LIMCH1: variants seen among roughly 807,000 people sequenced by gnomAD.
The protein encoded by LIMCH1 is LIM and calponin homology domains 1.
Under a neutral mutation model 176.5 loss-of-function variants are expected in LIMCH1, and 113 were observed. The ratio of observed to expected loss-of-function variants is 0.64; its 90% CI spans 0.55 to 0.75. The LOEUF (loss-of-function observed/expected upper bound fraction) is 0.75, where lower values mean the gene tolerates loss of function less well. LIMCH1 is among the 30% of genes least tolerant of loss of function. LIMCH1 has a pLI of 0.00. For synonymous variants in LIMCH1, 619 were observed against 645.9 expected (o/e 0.96, Z 0.63); for missense variants, 1,674 against 1,814.9 (o/e 0.92, Z 1.41).
chr4:41,367,682 TCCAAAAAAAAAAAAAAAAAAAAA>T (rs1357285578), intron 1 of LIMCH1, among the ~76,000 whole-genome samples: 10 of 60,908 alleles, frequency 1.6e-4, no homozygotes, highest in Non-Finnish European at 3.0e-4. Flanking sequence ...CTACTAAAAA[TCCAAAAAAAAAAAAAAAAAAAAA>T]AGGAAAGAAA....
At position 41,516,928 on chromosome 4, in the gene LIMCH1, G is replaced by T. The variant is rs183740916; in HGVS notation, c.168-7481G>T. The stretch of plus-strand genomic sequence containing the variant: ...GATTTTCTTGGGTACAGTTTGCCTG[G>T]GTATTGGAGAAAGGCCTCCTGCAGA... On this transcript the variant is annotated intron_variant, in intron 2 of 26. Coordinates refer to the LIMCH1 transcript ENST00000313860. Among the ~76,000 whole-genome samples, 275 of 152,220 alleles carry T rather than the reference G, an allele frequency of 1.8e-3. 2 individuals carry two copies. The highest frequency in any genetic ancestry group is 6.3e-3 in the African/African-American group (262 of 41,524).
chr4:41,492,726 C>A (rs2071316225), intron 1 of LIMCH1, among the ~76,000 whole-genome samples: 1 of 152,138 alleles, frequency 6.6e-6, no homozygotes, highest in Non-Finnish European at 1.5e-5. Context: ...ATCTCTGAAT[C>A]TATTTGTGGA....
chr4:41,694,823 T>C (rs942694908), intron 31 of LIMCH1, among the ~76,000 whole-genome samples: 2 of 152,128 alleles, frequency 1.3e-5, no homozygotes, highest in Admixed American at 6.6e-5. Flanking sequence ...TCTTGCTTAA[T>C]TATCATTCAG....
Position 41,671,537 on chromosome 4 carries a change from CT to C in LIMCH1, c.3398-9del. On this transcript the variant is annotated splice_polypyrimidine_tract_variant and intron_variant, in intron 21 of 31. Transcript: ENST00000503057. ...TCACATTCATATCTTTTTTTTCTTT[CT>C]TTTTTTTCTGTGCAGTGGATTCTCC... 1.9e-6 allele frequency: 3 copies of C among 1,594,170 alleles called. No individual in the cohort carries two copies. The highest frequency in any genetic ancestry group is 1.1e-5 in the South Asian group (1 of 90,012).
At chr4:41,598,166 A>G (rs1352822617) in intron 1 of LIMCH1, among the ~76,000 whole-genome samples, 1 of 152,212 alleles carries the variant, frequency 6.6e-6, no homozygotes, top group African/African-American at 2.4e-5. Context: ...CTGGAGTTCC[A>G]AAAGGATGAC....
chr4:41,405,516 T>TG (rs2058870975), intron 1 of LIMCH1, among the ~76,000 whole-genome samples: 1 of 152,138 alleles, frequency 6.6e-6, no homozygotes, highest in African/African-American at 2.4e-5. Context: ...TGTATTTCCA[T>TG]TGCATAGTCT....
chr4:41,656,333 C>A (rs2094463062), intron 18 of LIMCH1, among the ~76,000 whole-genome samples: 1 of 152,152 alleles, frequency 6.6e-6, no homozygotes, highest in Admixed American at 6.5e-5. Flanking sequence ...TGTCAATAAA[C>A]ATTTCTTGAG....
chr4:41,423,018 A>G (rs1281756906), intron 1 of LIMCH1, among the ~76,000 whole-genome samples: 2 of 152,114 alleles, frequency 1.3e-5, no homozygotes, highest in African/African-American at 4.8e-5. Flanking sequence ...TTGGCCTCCC[A>G]AAGTGCTGGA....
intron 1 of LIMCH1, among the ~76,000 whole-genome samples, chr4:41,436,248 A>G (rs2062068136): frequency 6.6e-6 from 1 of 152,146 alleles, no homozygotes; most frequent in East Asian, 1.9e-4. Context: ...GGACTCCACA[A>G]CTATTCACTG....
intron 1 of LIMCH1, among the ~76,000 whole-genome samples, chr4:41,376,005 A>G (rs901483848): frequency 5.9e-5 from 9 of 152,242 alleles, no homozygotes; most frequent in Non-Finnish European, 1.0e-4. Context: ...TGAAGTATGT[A>G]GAAAATATGT....
At chr4:41,633,258 G>T (rs1382990334) in intron 12 of LIMCH1, among the ~76,000 whole-genome samples, 173 bp downstream of exon 12, 1 of 152,134 alleles carries the variant, frequency 6.6e-6, no homozygotes, top group Non-Finnish European at 1.5e-5. Context: ...TGCTTCTGGT[G>T]CCCGCTCTGG....
intron 7 of LIMCH1, among the ~76,000 whole-genome samples, chr4:41,624,747 C>T (rs773797644): frequency 5.3e-5 from 8 of 151,930 alleles, no homozygotes; most frequent in Non-Finnish European, 1.2e-4. Flanking sequence ...CACATAAAAC[C>T]GGGTGAAAGA....
intron 1 of LIMCH1, among the ~76,000 whole-genome samples, chr4:41,484,905 CA>C (rs1401897961): frequency 6.6e-6 from 1 of 152,056 alleles, no homozygotes; most frequent in African/African-American, 2.4e-5. Flanking sequence ...AAAAAACAAC[CA>C]AAGATTAATG....
intron 1 of LIMCH1, among the ~76,000 whole-genome samples, chr4:41,452,917 T>C (rs2064072174): frequency 6.6e-6 from 1 of 152,230 alleles, no homozygotes; most frequent in Admixed American, 6.5e-5. Context: ...CTTCCTCATC[T>C]TTGCAGCACC....
chr4:41,514,232 G>GCT (rs2075320523), intron 2 of LIMCH1, among the ~76,000 whole-genome samples: 1 of 152,038 alleles, frequency 6.6e-6, no homozygotes, highest in African/African-American at 2.4e-5. Context: ...GAGTTACAGA[G>GCT]AGGACTAACC....
intron 1 of LIMCH1, among the ~76,000 whole-genome samples, chr4:41,578,241 G>T (rs977305177): frequency 6.6e-6 from 1 of 152,108 alleles, no homozygotes; most frequent in Non-Finnish European, 1.5e-5. Flanking sequence ...ATCTTACATG[G>T]CAGCAGGAGA....
chr4:41,687,940 T>C, intron 29 of LIMCH1, 23 bp downstream of exon 29: 1 of 1,588,882 alleles, frequency 6.3e-7, no homozygotes, highest in African/African-American at 1.3e-5. Context: ...AGCAGGCCTT[T>C]CTGAGGCTGC....
chr4:41,517,095 C>T (rs1583395116), intron 2 of LIMCH1, among the ~76,000 whole-genome samples: 2 of 152,118 alleles, frequency 1.3e-5, no homozygotes, highest in Admixed American at 6.5e-5. Context: ...CTGCTTTAGG[C>T]AGTTATTTAG....
chr4:41,398,250 G>T (rs2058026254), intron 1 of LIMCH1, among the ~76,000 whole-genome samples: 1 of 149,372 alleles, frequency 6.7e-6, no homozygotes, highest in Non-Finnish European at 1.5e-5. Flanking sequence ...GGGTACATGT[G>T]CACAATGTGC....
Sources: gnomAD v4.1 joint callset for allele counts (sites outside exome capture counted in the v4.1 genomes callset) on GRCh38, gnomAD v4.1.1 for gene constraint, MANE v1.5 for transcripts, NCBI Gene and HGNC (gene_info 2026-07-23, HGNC 2026-07-21) for gene names.